The following WDR24 variants were observed in gnomAD, a reference collection of about 807,000 sequenced individuals.
WDR24 encodes WD repeat domain 24, also known as GATOR2 complex protein WDR24.
Under a neutral mutation model 66.7 loss-of-function variants are expected in WDR24, and 32 were observed. The ratio of observed to expected loss-of-function variants is 0.48; its 90% CI spans 0.36 to 0.64. WDR24 has a LOEUF of 0.64. WDR24 is among the 30% of genes least tolerant of loss of function. The pLI, the probability that WDR24 is intolerant of heterozygous loss-of-function variation, is 0.00. For synonymous variants in WDR24, 565 were observed against 469.1 expected, an observed-to-expected ratio of 1.20 and a Z score of -2.64; for missense variants, 978 against 1,144.1, an observed-to-expected ratio of 0.85 and a Z score of 2.09.
chr16:684,710 C>A lies in WDR24; in HGVS notation c.*24G>T. 1 of 1,561,234 alleles carries A rather than the reference C, an allele frequency of 6.4e-7. No individual in the cohort carries two copies. Among genetic ancestry groups the A allele is most frequent in the South Asian group, 1.2e-5 (1 of 85,876 alleles). On this transcript the variant is annotated 3_prime_UTR_variant, in exon 9 of 9. Transcript: ENST00000293883. ...AGGCGGGGTTCTGCACGCGGCCGCC[C>A]GGGCAAGCCCAGCAGATGCCCCGTC...
chr16:685,214 C>A, intron 7 of WDR24, 38 bp from the exon 8 acceptor site: 1 of 1,597,014 alleles, frequency 6.3e-7, no homozygotes, highest in Non-Finnish European at 8.5e-7. Context: ...GATCTGGGTG[C>A]CAGGGGCGGC....
At position 685,088 on chromosome 16, in the gene WDR24, C is replaced by T. The variant is rs758568260; in HGVS notation, c.2108G>A (p.Arg703His). ...GGCCTGGTTGAGGCAGCTGACGGCG[C>T]GGCTGGTGCTCAGCTTGACCACCTC... ...SNEVVKLSTS[R>H]AVSCLNQAST... Residue 703 changes from arginine (R) to histidine (H), a missense_variant, in exon 8 of 9, where the codon CGC (arginine) becomes CAC (histidine). By Grantham distance (29) the Arg-to-His change is conservative (BLOSUM62 0). Around this residue, in one of 2 missense-constraint regions of WDR24, gnomAD observed 676 missense variants for 617.5 expected, o/e 1.09. Coordinates refer to ENST00000293883, the MANE Select transcript of WDR24 (RefSeq NM_032259.4). The T allele has an allele frequency of 6.4e-7, 1 of 1,556,242 alleles. No individual in the cohort carries two copies. The highest frequency in any genetic ancestry group is 1.2e-5 in the South Asian group (1 of 84,976).
chr16:684,664 G>A lies in WDR24; in HGVS notation c.*70C>T. On this transcript the variant is annotated 3_prime_UTR_variant, in exon 9 of 9. Coordinates refer to ENST00000293883, the MANE Select transcript of WDR24 (RefSeq NM_032259.4). ...ATTGAGGTCTCAAGTTCCAGCCTCC[G>A]CCCGTCTCGGGCACAAGACCAGGCG... 1 of 1,482,580 alleles carries A rather than the reference G, an allele frequency of 6.7e-7. No homozygotes were observed. The highest frequency in any genetic ancestry group is 8.9e-7 in the Non-Finnish European group (1 of 1,117,998). 91.8% of individuals were successfully genotyped at this position (1,482,580 alleles called of 1,614,324 possible).
At position 685,883 on chromosome 16, in the gene WDR24, A is replaced by T; in HGVS notation, c.1559T>A (p.Leu520His). 7 of 1,612,650 alleles carry T rather than the reference A, an allele frequency of 4.3e-6. No homozygotes were observed. The highest frequency in any genetic ancestry group is 4.2e-6 in the Non-Finnish European group (5 of 1,179,868). ...DTVLLDSSAT[L>H]ITNEDNEETE... ...CCCCAGCCTACCCTCATTGGTGATG[A>T]GTGTGGCCGAGGAGTCGAGCAGAAC... The change falls in exon 5 of 9, where the codon CTC (leucine) becomes CAC (histidine). Residue 520 changes from leucine (L) to histidine (H), a missense_variant. By Grantham distance (99) the Leu-to-His change is moderately conservative (BLOSUM62 -3). Around this residue, in one of 2 missense-constraint regions of WDR24, gnomAD observed 676 missense variants for 617.5 expected, o/e 1.09. Coordinates refer to ENST00000293883, the MANE Select transcript of WDR24 (RefSeq NM_032259.4).
Position 690,257 on chromosome 16 carries a change from T to G in WDR24, c.-617A>C. ...AAGCCGGCGACCCCGGAGTACAGGG[T>G]TCCTGGGAGCGGCGCAGTGGCGCGG... On this transcript the variant is annotated 5_prime_UTR_variant, in exon 1 of 9. Transcript: ENST00000293883. 4.7e-6 allele frequency: 2 copies of G among 421,138 alleles called. No homozygotes were observed. The highest frequency in any genetic ancestry group is 9.5e-6 in the Non-Finnish European group (2 of 209,742). 26.1% of individuals were successfully genotyped at this position (421,138 alleles called of 1,614,324 possible).
At position 685,494 on chromosome 16, in the gene WDR24, G is replaced by T. The variant is rs1007131938; in HGVS notation, c.1782C>A (p.Ser594=). The change falls in exon 7 of 9, where the codon TCC becomes TCA. Residue 594 remains serine, a synonymous_variant. Coordinates refer to ENST00000293883, the MANE Select transcript of WDR24 (RefSeq NM_032259.4). ...GPEHLQDKAD[S]PHVSGSEADV... ...CCGCCTCGCTGCCGCTCACGTGCGG[G>T]GAGTCGGCCTTGTCCTGCAGGTGCT... 7 of 1,599,074 alleles carry T rather than the reference G, an allele frequency of 4.4e-6. No individual in the cohort carries two copies. Among genetic ancestry groups the T allele is most frequent in the Non-Finnish European group, 6.0e-6 (7 of 1,169,936 alleles).
rs996413409 is a variant in WDR24, at chr16:686,967, G to T, written c.1109C>A (p.Thr370Asn). The change falls in exon 3 of 9, where the codon ACT becomes AAT. Residue 370 changes from threonine (T) to asparagine (N), a missense_variant. Transcript: ENST00000293883. ...GAAGATGGGGTGGCGCCGGTCGCCA[G>T]TGTAGGGCTTGCGCCCCGACTCGGC... ...VAAESGRKPY[T>N]GDRRHPIFFK... 2 of 1,600,174 alleles carry T rather than the reference G, an allele frequency of 1.2e-6. No individual in the cohort carries two copies. Among genetic ancestry groups the T allele is most frequent in the African/African-American group, 1.3e-5 (1 of 74,800 alleles).
At position 687,298 on chromosome 16, in the gene WDR24, G is replaced by T. The variant is rs751388871; in HGVS notation, c.778C>A (p.Arg260=). 4 of 1,611,146 alleles carry T rather than the reference G, an allele frequency of 2.5e-6. No individual in the cohort carries two copies. The highest frequency in any genetic ancestry group is 3.4e-6 in the Non-Finnish European group (4 of 1,179,760). Residue 260 remains arginine, a synonymous_variant, in exon 3 of 9, where the codon CGG becomes AGG. Coordinates refer to ENST00000293883, the MANE Select transcript of WDR24 (RefSeq NM_032259.4). ...TIASVARVKW[R]PECRHHLATC... ...GCCAGGTGGTGGCGGCACTCTGGCC[G>T]CCACTTCACACGGGCCACCGAGGCG... is the stretch of plus-strand genomic sequence containing the variant.
intron 1 of WDR24, 119 bp downstream of exon 1, chr16:689,041 G>A: frequency 4.1e-6 from 6 of 1,479,010 alleles, no homozygotes; most frequent in Non-Finnish European, 4.5e-6. Context: ...TCCCCCTGAG[G>A]AAGCCCTCTG....
At position 686,987 on chromosome 16, in the gene WDR24, C is replaced by T. The variant is rs1359005043; in HGVS notation, c.1089G>A (p.Glu363=). 7 of 1,599,996 alleles carry T rather than the reference C, an allele frequency of 4.4e-6. No homozygotes were observed. The highest frequency in any genetic ancestry group is 5.1e-6 in the Non-Finnish European group (6 of 1,177,234). ...CGCCAGTGTAGGGCTTGCGCCCCGACTCGGCAGCCACGAGGCTCTCCTTGG... is the reference window on the plus strand; with the variant it reads ...CGCCAGTGTAGGGCTTGCGCCCCGATTCGGCAGCCACGAGGCTCTCCTTGG... ...FAAKESLVAA[E]SGRKPYTGDR... The change falls in exon 3 of 9, where the codon GAG becomes GAA. Residue 363 remains glutamate, a synonymous_variant. Transcript: ENST00000293883.
Position 689,350 on chromosome 16 carries a change from G to A in WDR24, c.291C>T (p.Gly97=), listed in dbSNP as rs149299207. The A allele has an allele frequency of 2.5e-4, 411 of 1,613,666 alleles. 5 individuals carry two copies. The South Asian group carries it at 2.6e-3, about 10-fold the overall frequency. The part of the protein sequence containing the change: ...ENLLATAATN[G]VVVTWNLGRP... ...GGCCCAGGTTCCACGTGACCACCAC[G>A]CCATTGGTGGCTGCTGTGGCCAGCA... Residue 97 remains glycine (G), a synonymous_variant, in exon 1 of 9, where the codon GGC becomes GGT. Coordinates refer to ENST00000293883, the MANE Select transcript of WDR24 (RefSeq NM_032259.4).
rs760706058 is a variant in WDR24 at position 686,731 on chromosome 16, A to G, written c.1332+13T>C. ...TCGTGGCCCAGGGACCCCCAGGCTC[A>G]GCACCTACCTACCTGGTTGCGGCCA... is the stretch of plus-strand genomic sequence containing the variant. On this transcript the variant is annotated intron_variant, in intron 3 of 8. Coordinates refer to ENST00000293883, the MANE Select transcript of WDR24 (RefSeq NM_032259.4). 3 of 1,579,880 alleles carry G rather than the reference A, an allele frequency of 1.9e-6. No homozygotes were observed. The highest frequency in any genetic ancestry group is 2.6e-6 in the Non-Finnish European group (3 of 1,159,502).
Position 685,872 on chromosome 16 carries a change from CAT to C in WDR24, c.1568_1569del (p.Asn523ArgfsTer3). The C allele has an allele frequency of 1.9e-6, 3 of 1,613,214 alleles. No individual in the cohort carries two copies. Among genetic ancestry groups the C allele is most frequent in the Non-Finnish European group, 2.5e-6 (3 of 1,179,992 alleles). ...LLDSSATLIT[N>X]EDNEETEGSD... ...ACCCCTACCCACCCCAGCCTACCCT[CAT>C]TGGTGATGAGTGTGGCCGAGGAGTC... On this transcript the variant is annotated frameshift_variant, in exon 5 of 9. Coordinates refer to ENST00000293883, the MANE Select transcript of WDR24 (RefSeq NM_032259.4). LOFTEE classifies it high-confidence loss of function.
At chr16:688,939 CTGGTCTCAT>C in intron 1 of WDR24, 1 of 667,528 alleles carries the variant, frequency 1.5e-6, no homozygotes, top group Non-Finnish European at 2.5e-6. Context: ...TCAATTTCTG[CTGGTCTCAT>C]CTCTTGCCTC....
intron 1 of WDR24, chr16:688,061 GAACGCACCCAGCCATCGCC>G: frequency 1.9e-6 from 1 of 520,824 alleles, no homozygotes; most frequent in Non-Finnish European, 3.7e-6. Context: ...GGGAGAATAG[GAACGCACCCAGCCATCGCC>G]CACTCCCGTG....
At chr16:685,657 C>A (rs763811485) in intron 6 of WDR24, 22 bp downstream of exon 6, 1 of 1,612,514 alleles carries the variant, frequency 6.2e-7, no homozygotes, top group Admixed American at 1.7e-5. Flanking sequence ...CTGAACCCCA[C>A]CCTGCCCGGA....
In WDR24 at chr16:686,737, T is replaced by G; in HGVS notation, c.1332+7A>C. On this transcript the variant is annotated splice_region_variant and intron_variant, in intron 3 of 8. Transcript: ENST00000293883. ...CCCAGGGACCCCCAGGCTCAGCACC[T>G]ACCTACCTGGTTGCGGCCAAGCTCT... 2.5e-6 allele frequency: 4 copies of G among 1,587,138 alleles called. No homozygotes were observed. Among genetic ancestry groups the G allele is most frequent in the Non-Finnish European group, 3.4e-6 (4 of 1,163,436 alleles).
Position 685,191 on chromosome 16 carries a change from G to T in WDR24, c.2020-15C>A. ...TACCAGTGCTCCTGGGGGAGGGAGC[G>T]CCCGGCAGTCAGGATCTGGGTGCCA... On this transcript the variant is annotated splice_polypyrimidine_tract_variant and intron_variant, in intron 7 of 8. Transcript: ENST00000293883. 5.6e-6 allele frequency: 9 copies of T among 1,593,090 alleles called. No individual in the cohort carries two copies. The highest frequency in any genetic ancestry group is 1.3e-5 in the African/African-American group (1 of 74,502).
At chr16:685,817 C>G (rs534433218) in intron 5 of WDR24, 34 bp from the exon 6 acceptor site, 3 of 1,613,084 alleles carry the variant, frequency 1.9e-6, no homozygotes, top group Admixed American at 1.7e-5. Flanking sequence ...TCAGGGTCGT[C>G]TGGGACACCC....
Sources: allele counts gnomAD v4.1 joint callset, GRCh38; gene constraint gnomAD v4.1.1; regional missense constraint gnomAD v4.1.1; transcripts MANE v1.5; gene names NCBI Gene and HGNC (gene_info 2026-07-23, HGNC 2026-07-21).